Variants in GCNT3 observed in about 807,000 individuals in gnomAD.
GCNT3 encodes glucosaminyl (N-acetyl) transferase 3, mucin type, also known as beta-1,3-galactosyl-O-glycosyl-glycoprotein beta-1,6-N-acetylglucosaminyltransferase 3.
For synonymous variants in GCNT3, 269 were observed against 195.2 expected, an observed-to-expected ratio of 1.38 and a Z score of -3.15; for missense variants, 708 against 530.3, an observed-to-expected ratio of 1.34 and a Z score of -3.29.
In GCNT3 at chr15:59,618,859, C is replaced by G. The variant is rs1242885257; in HGVS notation, c.621C>G (p.Leu207=). The G allele has an allele frequency of 3.1e-6, 5 of 1,614,020 alleles. No homozygotes were observed. The highest frequency in any genetic ancestry group is 2.7e-5 in the African/African-American group (2 of 74,900). ...CCTGGTCCAGGGTGCAAGCTGACCT[C>G]AACTGCATGGAAGACTTGCTCCAGA... is the stretch of plus-strand genomic sequence containing the variant. The part of the protein sequence containing the change: ...YASWSRVQAD[L]NCMEDLLQSS... The change falls in exon 3 of 3, where the codon CTC becomes CTG. Residue 207 remains leucine, a synonymous_variant. Coordinates refer to ENST00000396065, the MANE Select transcript of GCNT3 (RefSeq NM_004751.3).
At position 59,621,946 on chromosome 15, in the gene GCNT3, A is replaced by G. The variant is rs562055612; in HGVS notation, c.*2391A>G. 4.0e-5 allele frequency: 6 copies of G among 151,708 alleles called. No individual in the cohort carries two copies. The highest frequency in any genetic ancestry group is 7.4e-5 in the Non-Finnish European group (5 of 67,914). The allele number at this position is 151,708 out of a possible 1,614,324, so 9.4% of individuals were successfully genotyped here. ...TTCATCAAGTTTTCTGTCATGATCAACTTTCTCTATGCAAACCCTGTAACT... is the reference window on the plus strand; with the variant it reads ...TTCATCAAGTTTTCTGTCATGATCAGCTTTCTCTATGCAAACCCTGTAACT... On this transcript the variant is annotated 3_prime_UTR_variant, in exon 3 of 3. Coordinates refer to ENST00000396065, the MANE Select transcript of GCNT3 (RefSeq NM_004751.3).
rs575868425 is a variant in GCNT3 at position 59,619,198 on chromosome 15, A to T, written c.960A>T (p.Glu320Asp). The T allele has an allele frequency of 1.7e-5, 28 of 1,613,990 alleles. No individual in the cohort carries two copies. In the South Asian group the frequency reaches 3.0e-4, roughly 17 times the overall value. ...LKNPKSQQLI[E>D]WVKDTYSPDE... The stretch of plus-strand genomic sequence containing the variant: ...ACCCTAAATCCCAACAACTGATTGA[A>T]TGGGTAAAAGACACTTATAGCCCAG... Residue 320 changes from glutamate to aspartate, a missense_variant, in exon 3 of 3, where the codon GAA becomes GAT. Transcript: ENST00000396065.
At position 59,621,888 on chromosome 15, in the gene GCNT3, C is replaced by G. The variant is rs1436936095; in HGVS notation, c.*2333C>G. 6.6e-6 allele frequency: 1 copy of G among 151,682 alleles called. No individual in the cohort carries two copies. Among genetic ancestry groups the G allele is most frequent in the South Asian group, 2.1e-4 (1 of 4,786 alleles). 9.4% of individuals were successfully genotyped at this position (151,682 alleles called of 1,614,324 possible). On this transcript the variant is annotated 3_prime_UTR_variant, in exon 3 of 3. Transcript: ENST00000396065. The stretch of plus-strand genomic sequence containing the variant: ...TGCTGGGATTACAGGCGTGAGCTAC[C>G]GCACCCAGCCCTTTCTGAGTGTTGT...
intron 2 of GCNT3, chr15:59,617,882 A>C: frequency 5.9e-6 from 1 of 170,406 alleles, no homozygotes; most frequent in Non-Finnish European, 1.3e-5. Flanking sequence ...AGAATGAGGA[A>C]TGAAGGGTGG....
chr15:59,614,325 G>A (rs995845984), intron 1 of GCNT3, among the ~76,000 whole-genome samples: 3 of 152,122 alleles, frequency 2.0e-5, no homozygotes, highest in South Asian at 2.1e-4. Context: ...ACCAGAAAGG[G>A]GTCCCGATCC....
intron 1 of GCNT3, among the ~76,000 whole-genome samples, chr15:59,615,550 A>G (rs2082715796): frequency 6.6e-6 from 1 of 152,040 alleles, no homozygotes. Context: ...AACACTTTAT[A>G]TCTTAACTTT....
rs1210347708 is a variant in GCNT3, at chr15:59,618,722, G to A, written c.484G>A (p.Val162Ile). 1.2e-6 allele frequency: 2 copies of A among 1,614,020 alleles called. No individual in the cohort carries two copies. The highest frequency in any genetic ancestry group is 1.3e-5 in the African/African-American group (1 of 74,928). Residue 162 changes from valine to isoleucine, a missense_variant, in exon 3 of 3, where the codon GTC becomes ATC. Val to Ile is a conservative substitution (Grantham distance 29). Transcript: ENST00000396065. ...GTATGCCCCTCAGAACATATACTGT[G>A]TCCATGTGGATGAGAAGTCCCCAGA... ...AVYAPQNIYC[V>I]HVDEKSPETF...
rs2082737593 is a variant in GCNT3, at chr15:59,619,550, C to A, written c.1312C>A (p.Leu438Ile). 9.6e-6 allele frequency: 15 copies of A among 1,562,152 alleles called. No homozygotes were observed. The East Asian group carries it at 3.1e-4, about 33-fold the overall frequency. ...TTATAAGGCCATCTATGGGACTGAA[C>A]TTTGAGACACACTATGAGAGCGTTG... ...LRYKAIYGTEL is the reference protein window; with the variant it reads ...LRYKAIYGTEI Residue 438 changes from leucine to isoleucine, a missense_variant, in exon 3 of 3, where the codon CTT becomes ATT. Leu to Ile is a conservative substitution (Grantham distance 5). Coordinates refer to ENST00000396065, the MANE Select transcript of GCNT3 (RefSeq NM_004751.3).
At position 59,620,108 on chromosome 15, in the gene GCNT3, A is replaced by G. The variant is rs1359132869; in HGVS notation, c.*553A>G. On this transcript the variant is annotated 3_prime_UTR_variant, in exon 3 of 3. Transcript: ENST00000396065. The stretch of plus-strand genomic sequence containing the variant: ...CTCATAACTATTCATGACATTTAAA[A>G]TCCCTAGGGGCTGGCAAGAGAGTTC... The G allele has an allele frequency of 5.4e-5, 9 of 167,470 alleles. No individual in the cohort carries two copies. The highest frequency in any genetic ancestry group is 2.2e-4 in the African/African-American group (9 of 41,454). 10.4% of individuals were successfully genotyped at this position (167,470 alleles called of 1,614,324 possible). A position where few individuals can be genotyped will look rare whatever the true frequency, so the allele number is the denominator to read the frequency against.
intron 1 of GCNT3, 22 bp from the exon 2 acceptor site, chr15:59,616,670 C>T (rs2082720987): frequency 6.6e-6 from 1 of 152,174 alleles, no homozygotes. Flanking sequence ...GATGGAGCCA[C>T]CTGCTGCCCT....
Position 59,621,614 on chromosome 15 carries a change from CAG to C in GCNT3, c.*2062_*2063del, listed in dbSNP as rs1367012406. 5 of 862 alleles carry C rather than the reference CAG, an allele frequency of 5.8e-3. No homozygotes were observed. Among genetic ancestry groups the C allele is most frequent in the Non-Finnish European group, 0.012 (3 of 260 alleles). The allele number at this position is 862 out of a possible 1,614,324, so 0.1% of individuals were successfully genotyped here. A position where few individuals can be genotyped will look rare whatever the true frequency, so the allele number is the denominator to read the frequency against. On this transcript the variant is annotated 3_prime_UTR_variant, in exon 3 of 3. Transcript: ENST00000396065. Reference sequence around the variant, plus strand: ...TTTGTTTTTTTTTTTTTTTTTGAGACAGAGTCTCACTCTGTCACCCAGGTTGG... The same window carrying C: ...TTTGTTTTTTTTTTTTTTTTTGAGACAGTCTCACTCTGTCACCCAGGTTGG...
chr15:59,619,783 A>G lies in GCNT3; in HGVS notation c.*228A>G, dbSNP rs993943495. The stretch of plus-strand genomic sequence containing the variant: ...CCCTAACCCTAGTAGTTCCTCCACT[A>G]ACTTTCTCACTAAGTGAGAATGAGA... On this transcript the variant is annotated 3_prime_UTR_variant, in exon 3 of 3. Coordinates refer to ENST00000396065, the MANE Select transcript of GCNT3 (RefSeq NM_004751.3). The G allele has an allele frequency of 6.8e-6, 3 of 443,472 alleles. 1 individual carries two copies. The highest frequency in any genetic ancestry group is 6.7e-5 in the South Asian group (2 of 29,692). 27.5% of individuals were successfully genotyped at this position (443,472 alleles called of 1,614,324 possible). A position where few individuals can be genotyped will look rare whatever the true frequency, so the allele number is the denominator to read the frequency against.
In GCNT3 at chr15:59,619,684, GC is replaced by G. The variant is rs2082738793; in HGVS notation, c.*130del. On this transcript the variant is annotated 3_prime_UTR_variant, in exon 3 of 3. Transcript: ENST00000396065. ...TGGCATCCTTTAGGATAAGAGGGCT[GC>G]TATTAGAGTGTGGGTAAGTAGATCT... 1 of 695,274 alleles carries G rather than the reference GC, an allele frequency of 1.4e-6. No homozygotes were observed. The highest frequency in any genetic ancestry group is 1.8e-5 in the African/African-American group (1 of 56,132). 43.1% of individuals were successfully genotyped at this position (695,274 alleles called of 1,614,324 possible).
rs1890951809 is a variant in GCNT3 at position 59,622,321 on chromosome 15, A to T, written c.*2766A>T. The stretch of plus-strand genomic sequence containing the variant: ...GAGCCAGACTGAGTCTCAAAAAAAA[A>T]AAAAAAGTTACCTTTTTTTGGTAAG... On this transcript the variant is annotated 3_prime_UTR_variant, in exon 3 of 3. Coordinates refer to ENST00000396065, the MANE Select transcript of GCNT3 (RefSeq NM_004751.3). 1 of 152,154 alleles carries T rather than the reference A, an allele frequency of 6.6e-6. No individual in the cohort carries two copies. The highest frequency in any genetic ancestry group is 2.1e-4 in the South Asian group (1 of 4,824). 9.4% of individuals were successfully genotyped at this position (152,154 alleles called of 1,614,324 possible). A position where few individuals can be genotyped will look rare whatever the true frequency, so the allele number is the denominator to read the frequency against.
chr15:59,618,247 A>T lies in GCNT3; in HGVS notation c.9A>T (p.Gln3His), dbSNP rs763224375. MV[Q>H]WKRLCQLHYL... ...TCTCCCATTCTGTGACGATGGTTCA[A>T]TGGAAGAGACTCTGCCAGCTGCATT... Residue 3 changes from glutamine (Q) to histidine (H), a missense_variant, in exon 3 of 3, where the codon CAA (glutamine) becomes CAT (histidine). Physicochemically the swap from Gln to His is conservative, Grantham distance 24. Coordinates refer to ENST00000396065, the MANE Select transcript of GCNT3 (RefSeq NM_004751.3). 7 of 1,562,442 alleles carry T rather than the reference A, an allele frequency of 4.5e-6. No individual in the cohort carries two copies. The South Asian group carries it at 7.1e-5, about 16-fold the overall frequency.
At chr15:59,616,551 A>G (rs1468407960) in intron 1 of GCNT3, 141 bp from the exon 2 acceptor site, 1 of 152,200 alleles carries the variant, frequency 6.6e-6, no homozygotes, top group African/African-American at 2.4e-5. Flanking sequence ...TATTGCCAGC[A>G]TTCTTCCTGC....
In GCNT3 at chr15:59,618,477, C is replaced by G. The variant is rs377622973; in HGVS notation, c.239C>G (p.Ala80Gly). The stretch of plus-strand genomic sequence containing the variant: ...GGGGTCACCCGAGGGGACCAAGAGG[C>G]AGTGCTTCAGGCTATTCTGAATAAC... The part of the protein sequence containing the change: ...CSGVTRGDQE[A>G]VLQAILNNLE... The change falls in exon 3 of 3, where the codon GCA (alanine) becomes GGA (glycine). Residue 80 changes from alanine to glycine, a missense_variant. Ala to Gly is a moderately conservative substitution (Grantham distance 60, BLOSUM62 0). Coordinates refer to ENST00000396065, the MANE Select transcript of GCNT3 (RefSeq NM_004751.3). The G allele has an allele frequency of 1.2e-6, 2 of 1,613,910 alleles. No individual in the cohort carries two copies. Among genetic ancestry groups the G allele is most frequent in the African/African-American group, 2.7e-5 (2 of 74,914 alleles).
chr15:59,614,599 T>C (rs2082711275), intron 1 of GCNT3, among the ~76,000 whole-genome samples: 1 of 152,190 alleles, frequency 6.6e-6, no homozygotes, highest in Admixed American at 6.5e-5. Context: ...TAAATTGTCA[T>C]GGCACTGGGG....
In GCNT3 at chr15:59,620,597, G is replaced by C. The variant is rs2082743233; in HGVS notation, c.*1042G>C. 6.0e-6 allele frequency: 1 copy of C among 167,016 alleles called. No individual in the cohort carries two copies. The highest frequency in any genetic ancestry group is 1.9e-4 in the East Asian group (1 of 5,198). The allele number at this position is 167,016 out of a possible 1,614,324, so 10.3% of individuals were successfully genotyped here. A position where few individuals can be genotyped will look rare whatever the true frequency, so the allele number is the denominator to read the frequency against. On this transcript the variant is annotated 3_prime_UTR_variant, in exon 3 of 3. Coordinates refer to ENST00000396065, the MANE Select transcript of GCNT3 (RefSeq NM_004751.3). The stretch of plus-strand genomic sequence containing the variant: ...AGGAAAAGGCAGGGTGATTTAACCA[G>C]TTTGACCACCTTTCCTGTACTCTTA...
Sources: allele counts gnomAD v4.1 joint callset (sites outside exome capture counted in the v4.1 genomes callset), GRCh38; gene constraint gnomAD v4.1.1; transcripts MANE v1.5; gene names NCBI Gene and HGNC (gene_info 2026-07-23, HGNC 2026-07-21).